Variants in SLC12A8 observed in about 807,000 individuals in gnomAD.
SLC12A8 encodes the protein solute carrier family 12 member 8, also known as cation-chloride cotransporter 9.
A neutral mutation model predicts 75.6 loss-of-function variants in SLC12A8; 69 were observed. The observed-to-expected ratio is 0.91, with a 90% confidence interval of 0.75 to 1.11. SLC12A8 has a LOEUF of 1.11. Ranked by LOEUF, SLC12A8 falls within the 50% of genes most tolerant of loss-of-function variation. SLC12A8 has a pLI of 0.00. For missense variants in SLC12A8, 877 were observed against 896.7 expected, an observed-to-expected ratio of 0.98 and a Z score of 0.28; for synonymous variants, 365 against 372.8, an observed-to-expected ratio of 0.98 and a Z score of 0.24.
At chr3:125,187,462 A>T in intron 3 of SLC12A8, 34 bp from the exon 4 acceptor site, 1 of 1,599,778 alleles carries the variant, frequency 6.3e-7, no homozygotes, top group Non-Finnish European at 8.5e-7. Context: ...AGGTTGGATT[A>T]GGTGAGGAGG....
chr3:125,115,219 G>A (rs1939279909), intron 8 of SLC12A8, among the ~76,000 whole-genome samples: 1 of 152,076 alleles, frequency 6.6e-6, no homozygotes, highest in Non-Finnish European at 1.5e-5. Flanking sequence ...TCTGCAGTGG[G>A]GATAAAAAGT....
At chr3:125,128,475 C>T (rs190606272) in intron 6 of SLC12A8, among the ~76,000 whole-genome samples, 8,296 of 132,540 alleles carry the variant, frequency 0.063, 781 homozygotes, top group African/African-American at 0.21. Flanking sequence ...CCACCGCGCC[C>T]GGCCTTTTTT....
chr3:125,107,111 C>T (rs1327615142), intron 10 of SLC12A8, among the ~76,000 whole-genome samples: 1 of 152,144 alleles, frequency 6.6e-6, no homozygotes. Context: ...CATATTGCAT[C>T]CTTAACAGGT....
In SLC12A8 at chr3:125,086,761, T is replaced by C. The variant is rs368122086; in HGVS notation, c.1982+1549A>G. The stretch of plus-strand genomic sequence containing the variant: ...CCTCTCTGCAGCTCCACATGAGACA[T>C]TGAGACCAGCTGGCCCAAGTAAGCA... On this transcript the variant is annotated intron_variant, in intron 13 of 13. Transcript: ENST00000469902. Among the ~76,000 whole-genome samples the C allele has an allele frequency of 3.9e-5, 6 of 152,298 alleles. No homozygotes were observed. The South Asian group carries it at 6.2e-4, about 16-fold the overall frequency.
intron 8 of SLC12A8, among the ~76,000 whole-genome samples, chr3:125,116,132 T>C (rs113863325): frequency 0.028 from 4,245 of 152,090 alleles, 211 homozygotes; most frequent in African/African-American, 0.094. Flanking sequence ...GCAGAAAAGG[T>C]GTGGGAGGAA....
At chr3:125,111,802 T>A (rs1233444367) in intron 8 of SLC12A8, among the ~76,000 whole-genome samples, 6 of 152,176 alleles carry the variant, frequency 3.9e-5, no homozygotes, top group Middle Eastern at 3.4e-3. Context: ...AAAAAAAAAA[T>A]TTCTTTAAAA....
At chr3:125,136,293 G>A (rs1933491997) in intron 5 of SLC12A8, among the ~76,000 whole-genome samples, 1 of 152,046 alleles carries the variant, frequency 6.6e-6, no homozygotes, top group South Asian at 2.1e-4. Context: ...ACACCCTGAG[G>A]AAGGCCACCC....
At chr3:125,172,073 A>T (rs1934414391) in intron 5 of SLC12A8, among the ~76,000 whole-genome samples, 1 of 152,128 alleles carries the variant, frequency 6.6e-6, no homozygotes, top group Non-Finnish European at 1.5e-5. Flanking sequence ...CAGGAGTTCA[A>T]GTCCAGCCTG....
intron 2 of SLC12A8, among the ~76,000 whole-genome samples, chr3:125,208,791 CAG>C (rs1287670719): frequency 0.089 from 7,422 of 83,530 alleles, 622 homozygotes; most frequent in East Asian, 0.33. Context: ...CACACACACA[CAG>C]AGAGAGAGAG....
At chr3:125,117,948 A>G (rs1215349978) in intron 8 of SLC12A8, among the ~76,000 whole-genome samples, 8 of 152,238 alleles carry the variant, frequency 5.3e-5, no homozygotes, top group Non-Finnish European at 1.0e-4. Flanking sequence ...GACTCTCAGG[A>G]AAGCCAAAGG....
In SLC12A8 at chr3:125,202,650, T is replaced by TAAAAAAAAA. The variant is rs371036226; in HGVS notation, c.51+8648_51+8649insTTTTTTTTT. Among the ~76,000 whole-genome samples the TAAAAAAAAA allele has an allele frequency of 1.7e-4, 26 of 149,804 alleles. 1 individual carries two copies. In the East Asian group the frequency reaches 2.1e-3, roughly 12 times the overall value. On this transcript the variant is annotated intron_variant, in intron 2 of 13. Transcript: ENST00000469902. ...ACCATGTTTTTTTTTTTTTTTTTTT[T>TAAAAAAAAA]AAATCTGTATCTAATGATGTTATGA...
intron 5 of SLC12A8, among the ~76,000 whole-genome samples, chr3:125,177,110 T>C (rs2107788000): frequency 6.6e-6 from 1 of 151,786 alleles, no homozygotes; most frequent in East Asian, 1.9e-4. Flanking sequence ...ATTAAGAAAA[T>C]GTGGCACATA....
intron 13 of SLC12A8, 105 bp from the exon 14 acceptor site, chr3:125,084,157 A>G: frequency 2.3e-6 from 2 of 876,424 alleles, no homozygotes; most frequent in Non-Finnish European, 3.5e-6. Flanking sequence ...ACACACATGT[A>G]TTTAAATGTT....
chr3:125,212,265 G>T (rs959619620), intron 1 of SLC12A8, among the ~76,000 whole-genome samples: 2 of 152,122 alleles, frequency 1.3e-5, no homozygotes, highest in African/African-American at 4.8e-5. Context: ...TGGGGGACTT[G>T]GTGGGCTGCA....
intron 3 of SLC12A8, among the ~76,000 whole-genome samples, chr3:125,188,900 G>A (rs1343954308): frequency 6.6e-6 from 1 of 152,186 alleles, no homozygotes; most frequent in Admixed American, 6.5e-5. Context: ...AGCTTAGGAA[G>A]GTCTGGTCTT....
intron 8 of SLC12A8, among the ~76,000 whole-genome samples, chr3:125,118,145 G>A (rs72480430): frequency 0.15 from 22,239 of 152,306 alleles, 1,995 homozygotes; most frequent in Middle Eastern, 0.29. Flanking sequence ...GGAATTTGGG[G>A]TGAGCAGATT....
intron 12 of SLC12A8, among the ~76,000 whole-genome samples, chr3:125,090,227 A>T (rs1182144727): frequency 2.0e-5 from 3 of 152,038 alleles, no homozygotes; most frequent in Non-Finnish European, 2.9e-5. Context: ...GGATTTTCTG[A>T]TATCTTTCTG....
At chr3:125,113,080 G>A (rs1939226008) in intron 8 of SLC12A8, among the ~76,000 whole-genome samples, 1 of 152,136 alleles carries the variant, frequency 6.6e-6, no homozygotes, top group Admixed American at 6.5e-5. Flanking sequence ...TTTACTCACA[G>A]CAGGAATGAG....
chr3:125,169,938 G>T (rs1934372749), intron 5 of SLC12A8, among the ~76,000 whole-genome samples: 2 of 151,660 alleles, frequency 1.3e-5, no homozygotes, highest in Non-Finnish European at 2.9e-5. Flanking sequence ...GAACAAGATT[G>T]TAGAAAAAGA....
Sources: allele counts gnomAD v4.1 joint callset (sites outside exome capture counted in the v4.1 genomes callset), GRCh38; gene constraint gnomAD v4.1.1; transcripts MANE v1.5; gene names NCBI Gene and HGNC (gene_info 2026-07-23, HGNC 2026-07-21).